CADM1: variants seen among roughly 807,000 people sequenced by gnomAD.
CADM1 encodes the protein cell adhesion molecule 1, also known as TSLC-1.
Under a neutral mutation model 53.1 loss-of-function variants are expected in CADM1, and 15 were observed. The observed-to-expected ratio is 0.28, with a 90% CI of 0.19 to 0.44. The LOEUF is 0.44. Ranked by LOEUF, CADM1 falls within the 20% of genes least tolerant of loss-of-function variation. CADM1 has a pLI of 1.00. For synonymous variants in CADM1, 281 were observed against 243.0 expected, an observed-to-expected ratio of 1.16 and a Z score of -1.45; for missense variants, 434 against 611.3, an observed-to-expected ratio of 0.71 and a Z score of 3.06.
intron 1 of CADM1, among the ~76,000 whole-genome samples, chr11:115,503,310 C>T (rs1430078724): frequency 6.6e-6 from 1 of 152,232 alleles, no homozygotes; most frequent in East Asian, 1.9e-4. Flanking sequence ...TCGGTGTCTT[C>T]AGGGAAGGCA....
chr11:115,342,136 A>C (rs979182440), intron 1 of CADM1, among the ~76,000 whole-genome samples: 2 of 152,228 alleles, frequency 1.3e-5, no homozygotes, highest in Non-Finnish European at 2.9e-5. Flanking sequence ...ATAAGTAACA[A>C]CTGGAAAGGC....
intron 1 of CADM1, among the ~76,000 whole-genome samples, chr11:115,367,694 C>T (rs543210888): frequency 6.6e-6 from 1 of 151,772 alleles, no homozygotes; most frequent in South Asian, 2.1e-4. Flanking sequence ...AGAAATTATT[C>T]AGTAGTCTTC....
intron 1 of CADM1, among the ~76,000 whole-genome samples, chr11:115,476,987 T>C (rs991367985): frequency 8.6e-5 from 13 of 152,030 alleles, no homozygotes; most frequent in Non-Finnish European, 1.9e-4. Flanking sequence ...AAAATAAATA[T>C]AATGGGCCAC....
chr11:115,175,995 C>T lies in CADM1; in HGVS notation c.*479G>A. ...TGAATTTGGAACAGAAAGCAGTTAC[C>T]ATAAAAATAAACAAAAGTAAAAAAC... is the stretch of plus-strand genomic sequence containing the variant. On this transcript the variant is annotated 3_prime_UTR_variant, in exon 12 of 12. Coordinates refer to ENST00000331581, the MANE Select transcript of CADM1 (RefSeq NM_001301043.2). 1 of 1,038,136 alleles carries T rather than the reference C, an allele frequency of 9.6e-7. No homozygotes were observed. The highest frequency in any genetic ancestry group is 1.2e-6 in the Non-Finnish European group (1 of 862,808). 64.3% of individuals were successfully genotyped at this position (1,038,136 alleles called of 1,614,324 possible). A position where few individuals can be genotyped will look rare whatever the true frequency, so the allele number is the denominator to read the frequency against.
At chr11:115,259,289 ACTTTT>A (rs1395987033) in intron 1 of CADM1, among the ~76,000 whole-genome samples, 7 of 91,538 alleles carry the variant, frequency 7.6e-5, no homozygotes, top group Admixed American at 1.1e-4. Flanking sequence ...CCCAGTCTTA[ACTTTT>A]TTTTTTTTTT....
intron 1 of CADM1, among the ~76,000 whole-genome samples, chr11:115,489,661 G>T (rs993560246): frequency 1.3e-5 from 2 of 152,228 alleles, no homozygotes; most frequent in Non-Finnish European, 2.9e-5. Context: ...CAAGTTGGAC[G>T]AAATGTGTAG....
intron 8 of CADM1, among the ~76,000 whole-genome samples, chr11:115,206,758 CT>C (rs56270694): frequency 6.3e-4 from 24 of 38,222 alleles, no homozygotes; most frequent in East Asian, 2.8e-3. Flanking sequence ...CTGTGGACTT[CT>C]TTTTTTTTTT....
chr11:115,169,803 T>C lies in CADM1; in HGVS notation c.*6671A>G, dbSNP rs1030954052. ...CTAGACTTGCACTTGCCAGCATCCA[T>C]TGCAGGTTTAAACGATGAAATACAC... On this transcript the variant is annotated 3_prime_UTR_variant, in exon 12 of 12. Transcript: ENST00000331581. 3.3e-6 allele frequency: 1 copy of C among 303,526 alleles called. No homozygotes were observed. 18.8% of individuals were successfully genotyped at this position (303,526 alleles called of 1,614,324 possible).
chr11:115,462,574 G>GC lies in CADM1; in HGVS notation c.124+41696dup, dbSNP rs1251675120. 2.6e-5 allele frequency among the ~76,000 whole-genome samples: 4 copies of GC among 152,242 alleles called. No individual in the cohort carries two copies. The East Asian group carries it at 7.7e-4, about 29-fold the overall frequency. The stretch of plus-strand genomic sequence containing the variant: ...TTAAAACAGATAACACCAGAGCAGA[G>GC]CCCCATGAACCTATTAAATATTCCA... On this transcript the variant is annotated intron_variant, in intron 1 of 11. Coordinates refer to ENST00000331581, the MANE Select transcript of CADM1 (RefSeq NM_001301043.2).
At chr11:115,325,813 G>A (rs949832092) in intron 1 of CADM1, among the ~76,000 whole-genome samples, 7 of 152,150 alleles carry the variant, frequency 4.6e-5, no homozygotes, top group African/African-American at 1.7e-4. Context: ...CACAGCTTAG[G>A]AGAGGTAAAC....
At position 115,416,050 on chromosome 11, in the gene CADM1, CTTCAA is replaced by C. The variant is rs566703871; in HGVS notation, c.124+88216_124+88220del. Among the ~76,000 whole-genome samples, 32 of 152,160 alleles carry C rather than the reference CTTCAA, an allele frequency of 2.1e-4. No homozygotes were observed. The East Asian group carries it at 2.1e-3, about 10-fold the overall frequency. On this transcript the variant is annotated intron_variant, in intron 1 of 11. Coordinates refer to ENST00000331581, the MANE Select transcript of CADM1 (RefSeq NM_001301043.2). ...GAAAACACCACAAGGCTTGTGAAAA[CTTCAA>C]TTCATTATTATCTACTGTACCAGCT...
intron 7 of CADM1, among the ~76,000 whole-genome samples, chr11:115,210,499 CAAGG>C (rs1940909312): frequency 6.6e-6 from 1 of 151,878 alleles, no homozygotes; most frequent in Non-Finnish European, 1.5e-5. Context: ...TATTTGGAGA[CAAGG>C]GAGGGGCAAA....
rs183326317 is a variant in CADM1 at position 115,238,490 on chromosome 11, C to G, written c.424+10G>C. The G allele has an allele frequency of 6.2e-6, 10 of 1,613,576 alleles. 1 individual carries two copies. The highest frequency in any genetic ancestry group is 1.7e-6 in the Non-Finnish European group (2 of 1,179,584). ...CATTTCCCCGGGTAAGCCCCACATG[C>G]GTTTCTTACCCAGGACTGTGATGGT... On this transcript the variant is annotated intron_variant, in intron 3 of 11. Coordinates refer to ENST00000331581, the MANE Select transcript of CADM1 (RefSeq NM_001301043.2).
chr11:115,339,771 A>G (rs1385399544), intron 1 of CADM1, among the ~76,000 whole-genome samples: 1 of 152,186 alleles, frequency 6.6e-6, no homozygotes, highest in Non-Finnish European at 1.5e-5. Flanking sequence ...CTTCACCACC[A>G]ATTAAGAGAG....
intron 1 of CADM1, among the ~76,000 whole-genome samples, chr11:115,280,441 G>A (rs894981934): frequency 6.6e-6 from 1 of 152,082 alleles, no homozygotes; most frequent in African/African-American, 2.4e-5. Flanking sequence ...TGCTTTATGT[G>A]GCATAGTGAT....
chr11:115,229,065 A>G (rs1272406104), intron 5 of CADM1, 48 bp downstream of exon 5: 1 of 1,576,988 alleles, frequency 6.3e-7, no homozygotes. Flanking sequence ...AAGAGTTTCT[A>G]TGTAACTGCA....
chr11:115,206,963 G>C (rs1037804681), intron 8 of CADM1, among the ~76,000 whole-genome samples: 1 of 151,772 alleles, frequency 6.6e-6, no homozygotes, highest in Admixed American at 6.6e-5. Flanking sequence ...AAATCTAGGG[G>C]ATAGCCTGGA....
chr11:115,285,485 GC>G (rs1337059382), intron 1 of CADM1, among the ~76,000 whole-genome samples: 6 of 152,164 alleles, frequency 3.9e-5, no homozygotes, highest in Non-Finnish European at 8.8e-5. Flanking sequence ...AGGTCACCTG[GC>G]TAGTAAGGAG....
At chr11:115,441,363 AT>A (rs774005091) in intron 1 of CADM1, among the ~76,000 whole-genome samples, 71 of 152,208 alleles carry the variant, frequency 4.7e-4, no homozygotes, top group Admixed American at 7.2e-4. Flanking sequence ...TTGCAGAGAT[AT>A]TGAATATAAG....
Sources: gnomAD v4.1 joint callset for allele counts (sites outside exome capture counted in the v4.1 genomes callset) on GRCh38, gnomAD v4.1.1 for gene constraint, MANE v1.5 for transcripts, NCBI Gene and HGNC (gene_info 2026-07-23, HGNC 2026-07-21) for gene names.